The following PRKCE variants were observed in gnomAD, a reference collection of about 807,000 sequenced individuals.
PRKCE encodes the protein protein kinase C epsilon.
PRKCE carries 16 observed loss-of-function variants against 85.4 expected under a neutral mutation model. The observed-to-expected ratio is 0.19, with a 90% CI of 0.13 to 0.28. The LOEUF is 0.28. Among genes scored for constraint, PRKCE ranks in the 10% least tolerant of loss-of-function variants. The pLI, the probability that PRKCE is intolerant of heterozygous loss-of-function variation, is 1.00. For synonymous variants in PRKCE, 388 were observed against 371.5 expected (o/e 1.04, Z -0.51); for missense variants, 573 against 975.2 (o/e 0.59, Z 5.49).
chr2:46,014,881 C>G (rs1705995234), intron 10 of PRKCE, among the ~76,000 whole-genome samples: 1 of 152,282 alleles, frequency 6.6e-6, no homozygotes, highest in East Asian at 1.9e-4. Context: ...ATTTCCAAAT[C>G]TCATTTGTAT....
At chr2:45,651,342 T>C (rs1206702598), upstream of PRKCE, 1 of 150,472 alleles carries the variant, frequency 6.6e-6, no homozygotes, top group Non-Finnish European at 1.5e-5. Flanking sequence ...CCGAGCCGGA[T>C]CGGCGGCCGC....
chr2:45,926,425 C>A lies in PRKCE; in HGVS notation c.413-50004C>A, dbSNP rs566996461. Among the ~76,000 whole-genome samples, 3 of 152,162 alleles carry A rather than the reference C, an allele frequency of 2.0e-5. No homozygotes were observed. The South Asian group carries it at 6.2e-4, about 32-fold the overall frequency. The stretch of plus-strand genomic sequence containing the variant: ...ATCAGTGAGTTAGGTGAGTCCCCCC[C>A]ATCCTCAGGATCTTTTGTTATGGTG... On this transcript the variant is annotated intron_variant, in intron 2 of 14. Coordinates refer to ENST00000306156, the MANE Select transcript of PRKCE (RefSeq NM_005400.3).
At chr2:45,846,975 A>C (rs1691843739) in intron 2 of PRKCE, among the ~76,000 whole-genome samples, 1 of 152,186 alleles carries the variant, frequency 6.6e-6, no homozygotes, top group Non-Finnish European at 1.5e-5. Flanking sequence ...TATTCAGGGA[A>C]ACTGTTCAAG....
chr2:46,112,304 T>C (rs567192871), intron 11 of PRKCE, among the ~76,000 whole-genome samples: 1 of 152,314 alleles, frequency 6.6e-6, no homozygotes, highest in Admixed American at 6.5e-5. Context: ...TGGTTTTCTT[T>C]TAGAAAACAG....
At chr2:46,062,041 T>C (rs1667191338) in intron 10 of PRKCE, among the ~76,000 whole-genome samples, 1 of 151,866 alleles carries the variant, frequency 6.6e-6, no homozygotes, top group Non-Finnish European at 1.5e-5. Flanking sequence ...TTTGTACTTT[T>C]AGTAGAGACA....
intron 1 of PRKCE, among the ~76,000 whole-genome samples, chr2:45,798,129 T>A (rs1687585067): frequency 6.6e-6 from 1 of 152,084 alleles, no homozygotes. Flanking sequence ...CTCAAGGAGC[T>A]CAGCAAAGTC....
intron 10 of PRKCE, among the ~76,000 whole-genome samples, chr2:46,039,329 T>G (rs1233043462): frequency 2.6e-5 from 4 of 152,222 alleles, no homozygotes; most frequent in Non-Finnish European, 2.9e-5. Flanking sequence ...GTGAGAGCAT[T>G]CGTTCCAGGG....
chr2:46,085,736 G>GTTTTTTT lies in PRKCE; in HGVS notation c.1438-466_1438-460dup, dbSNP rs1170933914. Among the ~76,000 whole-genome samples, 20 of 104,572 alleles carry GTTTTTTT rather than the reference G, an allele frequency of 1.9e-4. 5 individuals are homozygous for GTTTTTTT. The highest frequency in any genetic ancestry group is 1.3e-3 in the East Asian group (4 of 3,024). The allele number at this position is 104,572 out of a possible 152,430, so 68.6% of individuals were successfully genotyped here. A position where few individuals can be genotyped will look rare whatever the true frequency, so the allele number is the denominator to read the frequency against. On this transcript the variant is annotated intron_variant, in intron 10 of 14. Transcript: ENST00000306156. ...TCACTTAATTACATCTGCAAAATCC[G>GTTTTTTT]TTTTTTTTTTTTGTTTTTGTTTTTT...
In PRKCE at chr2:46,083,132, G is replaced by T. The variant is rs561579412; in HGVS notation, c.1438-3076G>T. Among the ~76,000 whole-genome samples the T allele has an allele frequency of 8.5e-5, 13 of 152,228 alleles. No homozygotes were observed. In the East Asian group the frequency reaches 2.5e-3, roughly 29 times the overall value. On this transcript the variant is annotated intron_variant, in intron 10 of 14. Coordinates refer to ENST00000306156, the MANE Select transcript of PRKCE (RefSeq NM_005400.3). ...ATGCCCAGCTAATTTTGTATTTTTTGTATAGACAGGGTTTCGCCATGTTGG... is the reference window on the plus strand; with the variant it reads ...ATGCCCAGCTAATTTTGTATTTTTTTTATAGACAGGGTTTCGCCATGTTGG...
chr2:45,864,254 T>C (rs1446284322), intron 2 of PRKCE, among the ~76,000 whole-genome samples: 1 of 152,166 alleles, frequency 6.6e-6, no homozygotes, highest in African/African-American at 2.4e-5. Context: ...ATGCAAAATT[T>C]TCTGTACGTT....
At chr2:45,865,803 C>CTTCTTCTTG (rs1286028854) in intron 2 of PRKCE, among the ~76,000 whole-genome samples, 17 of 121,064 alleles carry the variant, frequency 1.4e-4, no homozygotes, top group Admixed American at 5.3e-4. Context: ...AAATAAGTTT[C>CTTCTTCTTG]TTCTTCTTCT....
chr2:46,143,246 A>G (rs1675736476), intron 11 of PRKCE, among the ~76,000 whole-genome samples: 1 of 152,144 alleles, frequency 6.6e-6, no homozygotes, highest in South Asian at 2.1e-4. Context: ...CACATAAAGA[A>G]GCATCATTGT....
chr2:46,026,538 A>T (rs1382055004), intron 10 of PRKCE, among the ~76,000 whole-genome samples: 1 of 152,220 alleles, frequency 6.6e-6, no homozygotes, highest in African/African-American at 2.4e-5. Context: ...GTAAGAAAAT[A>T]TTTAGGTTGA....
intron 1 of PRKCE, among the ~76,000 whole-genome samples, chr2:45,672,277 TCCAC>T (rs1191879746): frequency 2.7e-5 from 4 of 149,442 alleles, no homozygotes; most frequent in African/African-American, 7.4e-5. Context: ...CATCCATCCA[TCCAC>T]CCACCCATCC....
chr2:45,807,743 C>A (rs949085204), intron 1 of PRKCE, among the ~76,000 whole-genome samples: 1 of 152,032 alleles, frequency 6.6e-6, no homozygotes, highest in Non-Finnish European at 1.5e-5. Flanking sequence ...AATTCTGAGA[C>A]CCCCATCTCA....
chr2:45,771,715 G>A (rs951986989), intron 1 of PRKCE, among the ~76,000 whole-genome samples: 10 of 87,012 alleles, frequency 1.1e-4, no homozygotes, highest in African/African-American at 3.1e-4. Context: ...GTGTGTGTGT[G>A]TGTGTGTGTG....
chr2:46,031,191 C>T (rs186881938), intron 10 of PRKCE, among the ~76,000 whole-genome samples: 4 of 152,140 alleles, frequency 2.6e-5, no homozygotes, highest in African/African-American at 7.2e-5. Context: ...CTTTTGTGAC[C>T]GTATTTTGAG....
At chr2:45,929,992 C>G (rs940011644) in intron 2 of PRKCE, among the ~76,000 whole-genome samples, 1 of 152,226 alleles carries the variant, frequency 6.6e-6, no homozygotes, top group Non-Finnish European at 1.5e-5. Context: ...GTAAATGAAT[C>G]ATTCAATGAA....
At chr2:45,970,774 G>A (rs1246480349) in intron 2 of PRKCE, among the ~76,000 whole-genome samples, 1 of 151,746 alleles carries the variant, frequency 6.6e-6, no homozygotes, top group East Asian at 1.9e-4. Context: ...AGGAGATAAA[G>A]ACTGAAGTAT....
Sources: allele counts gnomAD v4.1 joint callset (sites outside exome capture counted in the v4.1 genomes callset), GRCh38; gene constraint gnomAD v4.1.1; transcripts MANE v1.5; gene names NCBI Gene and HGNC (gene_info 2026-07-23, HGNC 2026-07-21).